The following CYP2C8 variants were observed in gnomAD, a reference collection of about 807,000 sequenced individuals.
CYP2C8 encodes the protein cytochrome P450 family 2 subfamily C member 8, also known as cytochrome P450 2C8.
Under a neutral mutation model 41.3 loss-of-function variants are expected in CYP2C8, and 51 were observed. That is an observed-to-expected ratio of 1.24 (90% CI 0.99 to 1.56). The LOEUF (loss-of-function observed/expected upper bound fraction) is 1.56, where lower values mean the gene tolerates loss of function less well. Among genes scored for constraint, CYP2C8 ranks in the 40% most tolerant of loss-of-function variants. CYP2C8 has a pLI of 0.00. For missense variants in CYP2C8, 651 were observed against 579.9 expected (o/e 1.12, Z -1.26); for synonymous variants, 218 against 205.8 (o/e 1.06, Z -0.51).
Position 95,064,926 on chromosome 10 carries a change from A to T in CYP2C8, c.516T>A (p.Cys172Ter), listed in dbSNP as rs553407481. The T allele has an allele frequency of 1.9e-6, 3 of 1,609,882 alleles. No homozygotes were observed. The highest frequency in any genetic ancestry group is 2.5e-6 in the Non-Finnish European group (3 of 1,178,460). ...CGGAGCAGATCACATTGCAGGGAGC[A>T]CAGCCCAGGATGAAAGTGGGATCAC... The part of the protein sequence containing the change: ...SPCDPTFILG[C>*]APCNVICSVV... Residue 172 changes from cysteine to a stop codon, truncating the protein, a stop_gained, in exon 4 of 9, where the codon TGT (cysteine) becomes TGA (stop). Coordinates refer to ENST00000371270, the MANE Select transcript of CYP2C8 (RefSeq NM_000770.3). LOFTEE classifies it high-confidence loss of function.
rs187321473 is a variant in CYP2C8 at position 95,062,592 on chromosome 10, C to T, written c.642+2208G>A. ...ACACTGATGGGTCTTGACTCTTTAT[C>T]CAGTTTCCCAGTCTGTGTCTTTTAA... On this transcript the variant is annotated intron_variant, in intron 4 of 8. Transcript: ENST00000371270. 1.7e-4 allele frequency among the ~76,000 whole-genome samples: 26 copies of T among 152,244 alleles called. No individual in the cohort carries two copies. In the East Asian group the frequency reaches 3.1e-3, roughly 18 times the overall value.
chr10:95,062,696 G>T (rs894744366), intron 4 of CYP2C8, among the ~76,000 whole-genome samples: 4 of 152,150 alleles, frequency 2.6e-5, no homozygotes, highest in Non-Finnish European at 5.9e-5. Flanking sequence ...ATGTTAGCTG[G>T]TTATTTTGCT....
At chr10:95,047,902 T>C (rs969417799) in intron 5 of CYP2C8, among the ~76,000 whole-genome samples, 1 of 152,172 alleles carries the variant, frequency 6.6e-6, no homozygotes, top group Admixed American at 6.5e-5. Context: ...AGGGACCTTG[T>C]GTGAACAAGG....
chr10:95,052,013 A>G (rs1039507374), intron 5 of CYP2C8, among the ~76,000 whole-genome samples: 2 of 152,116 alleles, frequency 1.3e-5, no homozygotes, highest in Non-Finnish European at 2.9e-5. Context: ...CAAAATATTA[A>G]CAAAGCAAAA....
intron 1 of CYP2C8, chr10:95,068,539 C>T: frequency 8.3e-7 from 1 of 1,204,258 alleles, no homozygotes. Context: ...CTGAATAAAA[C>T]ACATGACTAC....
At chr10:95,049,221 T>C (rs1456863402) in intron 5 of CYP2C8, among the ~76,000 whole-genome samples, 1 of 152,134 alleles carries the variant, frequency 6.6e-6, no homozygotes, top group African/African-American at 2.4e-5. Context: ...ATGACAGAAT[T>C]GAATGCTTCA....
chr10:95,039,081 A>G, intron 7 of CYP2C8, 43 bp from the exon 8 acceptor site: 1 of 1,554,758 alleles, frequency 6.4e-7, no homozygotes, highest in Non-Finnish European at 8.9e-7. Flanking sequence ...AAAGAAGTCC[A>G]GAAGTGAGGA....
chr10:95,053,783 G>A (rs1168141894), intron 5 of CYP2C8, among the ~76,000 whole-genome samples: 1 of 151,966 alleles, frequency 6.6e-6, no homozygotes, highest in Non-Finnish European at 1.5e-5. Context: ...GGAGCAAGGG[G>A]AGGGAGAGCA....
At chr10:95,068,220 C>A (rs1266259079) in intron 1 of CYP2C8, among the ~76,000 whole-genome samples, 2 of 152,110 alleles carry the variant, frequency 1.3e-5, no homozygotes, top group African/African-American at 4.8e-5. Flanking sequence ...ACAGTGTCAC[C>A]CCAGGTGATT....
intron 5 of CYP2C8, among the ~76,000 whole-genome samples, chr10:95,047,613 A>G (rs1412766336): frequency 6.6e-6 from 1 of 152,188 alleles, no homozygotes; most frequent in African/African-American, 2.4e-5. Context: ...ATAGGAAAAT[A>G]CAAAGTGAAG....
chr10:95,054,755 A>G (rs1443078128), intron 5 of CYP2C8, among the ~76,000 whole-genome samples: 1 of 152,210 alleles, frequency 6.6e-6, no homozygotes, highest in Non-Finnish European at 1.5e-5. Flanking sequence ...GTCTGTTTAT[A>G]TCAGCAATGA....
At position 95,069,459 on chromosome 10, in the gene CYP2C8, A is replaced by G; in HGVS notation, c.-57T>C. On this transcript the variant is annotated 5_prime_UTR_variant, in exon 1 of 9. Coordinates refer to ENST00000371270, the MANE Select transcript of CYP2C8 (RefSeq NM_000770.3). Reference sequence around the variant, plus strand: ...GAGCTTGCACTCCAAAGTTTTTATAACACTCCCTGCTAATTTAGTGTGTGT... The same window carrying G: ...GAGCTTGCACTCCAAAGTTTTTATAGCACTCCCTGCTAATTTAGTGTGTGT... 7.3e-7 allele frequency: 1 copy of G among 1,367,974 alleles called. No individual in the cohort carries two copies. Among genetic ancestry groups the G allele is most frequent in the South Asian group, 1.2e-5 (1 of 85,132 alleles). The allele number at this position is 1,367,974 out of a possible 1,614,324, so 84.7% of individuals were successfully genotyped here. A position where few individuals can be genotyped will look rare whatever the true frequency, so the allele number is the denominator to read the frequency against.
Position 95,069,355 on chromosome 10 carries a change from G to C in CYP2C8, c.48C>G (p.Leu16=). Reference sequence around the variant, plus strand: ...TACAGCTCTGTCTCCAGAGTGAAAAGAGAAGCATAAAAGAGAGACACAGCA... The same window carrying C: ...TACAGCTCTGTCTCCAGAGTGAAAACAGAAGCATAAAAGAGAGACACAGCA... ...VLVLCLSFML[L]FSLWRQSCRR... Residue 16 remains leucine (L), a synonymous_variant, in exon 1 of 9, where the codon CTC becomes CTG. Transcript: ENST00000371270. 6.2e-7 allele frequency: 1 copy of C among 1,614,112 alleles called. No individual in the cohort carries two copies. The highest frequency in any genetic ancestry group is 2.2e-5 in the East Asian group (1 of 44,870).
At chr10:95,064,331 G>A (rs577157434) in intron 4 of CYP2C8, among the ~76,000 whole-genome samples, 8 of 152,124 alleles carry the variant, frequency 5.3e-5, no homozygotes, top group African/African-American at 1.9e-4. Flanking sequence ...AGCAATGGTG[G>A]ACACCCCTCC....
At chr10:95,037,334 A>G (rs1284460584) in intron 8 of CYP2C8, 25 bp from the exon 9 acceptor site, 1 of 1,607,322 alleles carries the variant, frequency 6.2e-7, no homozygotes. Context: ...GAAAGGAAGT[A>G]GTTACTCCTT....
intron 1 of CYP2C8, chr10:95,068,729 T>C: frequency 1.5e-6 from 1 of 666,104 alleles, no homozygotes; most frequent in Non-Finnish European, 2.4e-6. Flanking sequence ...ACAAAATGCA[T>C]CAACTCACTC....
chr10:95,054,350 A>T (rs2050588676), intron 5 of CYP2C8, among the ~76,000 whole-genome samples: 2 of 152,166 alleles, frequency 1.3e-5, no homozygotes, highest in South Asian at 4.1e-4. Context: ...AGCATAAGAC[A>T]AAATTCAATA....
chr10:95,044,841 C>A (rs185866598), intron 6 of CYP2C8, among the ~76,000 whole-genome samples: 5 of 152,186 alleles, frequency 3.3e-5, no homozygotes, highest in Non-Finnish European at 5.9e-5. Flanking sequence ...AATACTGAAC[C>A]TTATGAGAAT....
In CYP2C8 at chr10:95,037,074, TAA is replaced by T; in HGVS notation, c.*52_*53del. 1 of 1,515,976 alleles carries T rather than the reference TAA, an allele frequency of 6.6e-7. No homozygotes were observed. The highest frequency in any genetic ancestry group is 1.7e-4 in the Middle Eastern group (1 of 5,740). 93.9% of individuals were successfully genotyped at this position (1,515,976 alleles called of 1,614,324 possible). A position where few individuals can be genotyped will look rare whatever the true frequency, so the allele number is the denominator to read the frequency against. On this transcript the variant is annotated 3_prime_UTR_variant, in exon 9 of 9. Coordinates refer to ENST00000371270, the MANE Select transcript of CYP2C8 (RefSeq NM_000770.3). ...GACATAATAGTGGGAATGTCCTTGA[TAA>T]AAAAAGAGTTGCAGGTGATAGCAGA...
Sources: allele counts gnomAD v4.1 joint callset (sites outside exome capture counted in the v4.1 genomes callset), GRCh38; gene constraint gnomAD v4.1.1; transcripts MANE v1.5; gene names NCBI Gene and HGNC (gene_info 2026-07-23, HGNC 2026-07-21).